Variants in NMU observed in about 807,000 individuals in gnomAD.
The protein encoded by NMU is neuromedin U.
NMU carries 29 observed loss-of-function variants against 35.4 expected under a neutral mutation model. The observed-to-expected ratio is 0.82, with a 90% CI of 0.61 to 1.12. The LOEUF is 1.12. NMU is among the 50% of genes most tolerant of loss of function. The pLI, the probability that NMU is intolerant of heterozygous loss-of-function variation, is 0.00. For missense variants in NMU, 199 were observed against 206.2 expected, an observed-to-expected ratio of 0.97 and a Z score of 0.21; for synonymous variants, 78 against 81.3, an observed-to-expected ratio of 0.96 and a Z score of 0.22.
intron 1 of NMU, among the ~76,000 whole-genome samples, chr4:55,631,201 A>C (rs1240892523): frequency 6.6e-6 from 1 of 152,192 alleles, no homozygotes. Flanking sequence ...CTTAAATATA[A>C]GACTTGAGAC....
chr4:55,609,550 C>A (rs972379065), intron 3 of NMU, among the ~76,000 whole-genome samples: 5 of 152,302 alleles, frequency 3.3e-5, no homozygotes, highest in Admixed American at 2.6e-4. Context: ...GTAGCAAAAT[C>A]TGTATCTACA....
chr4:55,632,412 G>A (rs1715651657), intron 1 of NMU, among the ~76,000 whole-genome samples: 1 of 151,938 alleles, frequency 6.6e-6, no homozygotes, highest in South Asian at 2.1e-4. Flanking sequence ...GTGGTACTAA[G>A]CATTAGAAAT....
chr4:55,631,008 A>G (rs1408089485), intron 1 of NMU, among the ~76,000 whole-genome samples: 1 of 152,184 alleles, frequency 6.6e-6, no homozygotes, highest in Non-Finnish European at 1.5e-5. Flanking sequence ...AAGAATAGAG[A>G]ACAAAGAAAG....
chr4:55,602,719 T>C (rs1733473958), intron 7 of NMU, among the ~76,000 whole-genome samples: 1 of 152,228 alleles, frequency 6.6e-6, no homozygotes, highest in Non-Finnish European at 1.5e-5. Context: ...GCTTTTTTCT[T>C]CATTCTGCAA....
intron 9 of NMU, among the ~76,000 whole-genome samples, chr4:55,596,678 C>T (rs12510341): frequency 0.022 from 3,335 of 152,224 alleles, 187 homozygotes; most frequent in Admixed American, 0.12. Flanking sequence ...ACACAGTCTG[C>T]AAATTCAAGT....
At chr4:55,610,116 A>G (rs1050452073) in intron 3 of NMU, among the ~76,000 whole-genome samples, 1 of 152,192 alleles carries the variant, frequency 6.6e-6, no homozygotes, top group Admixed American at 6.5e-5. Context: ...AATTAAATGT[A>G]GGTAAAGTTC....
At chr4:55,598,616 A>G (rs1017364938) in intron 9 of NMU, among the ~76,000 whole-genome samples, 2 of 152,222 alleles carry the variant, frequency 1.3e-5, no homozygotes, top group Admixed American at 1.3e-4. Context: ...TTCTGGTAGC[A>G]CAAAAGAAGA....
At chr4:55,609,983 G>C (rs2110194386) in intron 3 of NMU, among the ~76,000 whole-genome samples, 1 of 152,322 alleles carries the variant, frequency 6.6e-6, no homozygotes, top group Middle Eastern at 3.4e-3. Flanking sequence ...CTCTATCGCA[G>C]TGCAAATTCC....
At chr4:55,633,513 C>G in intron 1 of NMU, among the ~76,000 whole-genome samples, 1 of 152,060 alleles carries the variant, frequency 6.6e-6, no homozygotes, top group Non-Finnish European at 1.5e-5. Context: ...TTTTCAGAGA[C>G]AGTGCCTGTA....
intron 9 of NMU, among the ~76,000 whole-genome samples, 152 bp from the exon 10 acceptor site, chr4:55,595,563 T>C (rs9759426): frequency 0.021 from 2,580 of 120,032 alleles, 26 homozygotes; most frequent in Middle Eastern, 0.067. Context: ...TATATATATA[T>C]ACACACACAC....
At chr4:55,609,305 A>G (rs1733835466) in intron 3 of NMU, 126 bp from the exon 4 acceptor site, 1 of 740,224 alleles carries the variant, frequency 1.4e-6, no homozygotes, top group Non-Finnish European at 2.4e-6. Flanking sequence ...CCTTCTGTAG[A>G]TTATTAAAAC....
chr4:55,611,425 A>C (rs1466457317), intron 3 of NMU, among the ~76,000 whole-genome samples: 2 of 152,198 alleles, frequency 1.3e-5, no homozygotes, highest in African/African-American at 4.8e-5. Context: ...AGGTTAATTT[A>C]TTATTGAAGA....
chr4:55,619,197 G>A (rs1734261869), intron 2 of NMU, among the ~76,000 whole-genome samples: 1 of 152,026 alleles, frequency 6.6e-6, no homozygotes, highest in South Asian at 2.1e-4. Flanking sequence ...CCGGTCTACA[G>A]CTCCCAGCGT....
At chr4:55,598,458 T>C (rs942174351) in intron 9 of NMU, among the ~76,000 whole-genome samples, 1 of 152,212 alleles carries the variant, frequency 6.6e-6, no homozygotes, top group African/African-American at 2.4e-5. Context: ...CACTTTTATT[T>C]CTGTGGTATA....
At chr4:55,604,679 A>ATTTTTTTTTTT (rs767568542) in intron 7 of NMU, among the ~76,000 whole-genome samples, 1,206 of 47,564 alleles carry the variant, frequency 0.025, 80 homozygotes, top group African/African-American at 0.043. Flanking sequence ...TGCCTGGCTA[A>ATTTTTTTTTTT]TTTTTTTTTT....
At chr4:55,619,524 A>T (rs951248083) in intron 2 of NMU, among the ~76,000 whole-genome samples, 1 of 143,058 alleles carries the variant, frequency 7.0e-6, no homozygotes, top group Non-Finnish European at 1.5e-5. Flanking sequence ...ACGCCCACGG[A>T]ATCTCGCTGA....
intron 3 of NMU, 112 bp from the exon 4 acceptor site, chr4:55,609,291 G>A: frequency 5.1e-6 from 4 of 778,440 alleles, no homozygotes; most frequent in Non-Finnish European, 9.0e-6. Context: ...ACCTGGAAAA[G>A]AATCCTTCTG....
chr4:55,600,643 G>T (rs1733389849), intron 7 of NMU, 68 bp from the exon 8 acceptor site: 1 of 1,090,542 alleles, frequency 9.2e-7, no homozygotes, highest in Non-Finnish European at 1.4e-6. Context: ...CTCCTTGAAA[G>T]TATATTGAGG....
At position 55,609,384 on chromosome 4, in the gene NMU, G is replaced by GAAA. The variant is rs5858340; in HGVS notation, c.220-208_220-206dup. 4.2e-5 allele frequency among the ~76,000 whole-genome samples: 6 copies of GAAA among 143,558 alleles called. No individual in the cohort carries two copies. In the South Asian group the frequency reaches 1.3e-3, roughly 31 times the overall value. The allele number at this position is 143,558 out of a possible 152,430, so 94.2% of individuals were successfully genotyped here. On this transcript the variant is annotated intron_variant, in intron 3 of 9. Coordinates refer to ENST00000264218, the MANE Select transcript of NMU (RefSeq NM_006681.4). ...AAAAGTAAAGCCTTCCTTCTAACCAGAAAAAAAAAAAAGGTAAGTACGGTA... is the reference window on the plus strand; with the variant it reads ...AAAAGTAAAGCCTTCCTTCTAACCAGAAAAAAAAAAAAAAAGGTAAGTACGGTA...
Sources: gnomAD v4.1 joint callset for allele counts (sites outside exome capture counted in the v4.1 genomes callset) on GRCh38, gnomAD v4.1.1 for gene constraint, MANE v1.5 for transcripts, NCBI Gene and HGNC (gene_info 2026-07-23, HGNC 2026-07-21) for gene names.